Variants in GLRA2 observed in about 807,000 individuals in gnomAD.
GLRA2 encodes glycine receptor alpha 2, also known as glycine receptor subunit alpha-2.
Under a neutral mutation model 31.6 loss-of-function variants are expected in GLRA2, and 11 were observed. The observed-to-expected ratio is 0.35, with a 90% CI of 0.22 to 0.58. The LOEUF is 0.58. Ranked by LOEUF, GLRA2 falls within the 20% of genes least tolerant of loss-of-function variation. GLRA2 has a pLI of 0.84. For synonymous variants in GLRA2, 132 were observed against 134.0 expected (o/e 0.99, Z 0.10); for missense variants, 212 against 351.8 (o/e 0.60, Z 3.18).
intron 7 of GLRA2, among the ~76,000 whole-genome samples, chrX:14,611,217 C>T (rs2090393384): frequency 8.9e-6 from 1 of 112,690 alleles, no homozygotes; most frequent in Non-Finnish European, 1.9e-5. Flanking sequence ...AATTTATAAA[C>T]ACTGCAATCC....
chrX:14,457,407 A>T, the GLRA2 span, among the ~76,000 whole-genome samples: 1 of 104,067 alleles, frequency 9.6e-6, no homozygotes, highest in African/African-American at 3.6e-5. Context: ...TGTCCATGTG[A>T]TCTCATTGTT....
At chrX:14,633,724 G>C (rs1239881771) in intron 7 of GLRA2, among the ~76,000 whole-genome samples, 2 of 110,384 alleles carry the variant, frequency 1.8e-5, no homozygotes, top group African/African-American at 6.6e-5. Flanking sequence ...AATCATGATG[G>C]AAGGGGAAGC....
intron 8 of GLRA2, among the ~76,000 whole-genome samples, chrX:14,720,220 G>A (rs902281454): frequency 9.0e-6 from 1 of 111,599 alleles, no homozygotes; most frequent in Non-Finnish European, 1.9e-5. Context: ...ATTAAGTTTT[G>A]AGGTGATTTA....
At chrX:14,490,407 T>C in the GLRA2 span, among the ~76,000 whole-genome samples, 2 of 112,308 alleles carry the variant, frequency 1.8e-5, no homozygotes, top group African/African-American at 6.5e-5. Context: ...GTAATTCACT[T>C]CTAGTGAGTT....
intron 4 of GLRA2, among the ~76,000 whole-genome samples, chrX:14,584,850 G>A (rs752429900): frequency 8.1e-5 from 9 of 111,793 alleles, no homozygotes; most frequent in Non-Finnish European, 1.5e-4. Flanking sequence ...GGCCTTGGGT[G>A]GCATTTGCTC....
chrX:14,536,080 G>T (rs2089319463), intron 2 of GLRA2, among the ~76,000 whole-genome samples: 1 of 112,059 alleles, frequency 8.9e-6, no homozygotes, highest in Non-Finnish European at 1.9e-5. Context: ...CTTTGTGCCT[G>T]CCATGCACAC....
At chrX:14,451,424 A>C in the GLRA2 span, among the ~76,000 whole-genome samples, 1 of 110,366 alleles carries the variant, frequency 9.1e-6, no homozygotes, top group South Asian at 3.9e-4. Flanking sequence ...TGAGCTCAGG[A>C]GTTTGAGACC....
At position 14,670,542 on chromosome X, in the gene GLRA2, A is replaced by G. The variant is rs143243518; in HGVS notation, c.931-20168A>G. Among the ~76,000 whole-genome samples, 834 of 111,646 alleles carry G rather than the reference A, an allele frequency of 7.5e-3. 5 individuals are homozygous for G. Among genetic ancestry groups the G allele is most frequent in the African/African-American group, 0.024 (744 of 30,735 alleles). ...CACAATCATGGTGGAAGGCAAGGAGAAGCAAGTCACATCTTATGTGGACGG... is the reference window on the plus strand; with the variant it reads ...CACAATCATGGTGGAAGGCAAGGAGGAGCAAGTCACATCTTATGTGGACGG... On this transcript the variant is annotated intron_variant, in intron 7 of 8. Coordinates refer to ENST00000218075, the MANE Select transcript of GLRA2 (RefSeq NM_002063.4).
At chrX:14,657,111 G>A (rs192685393) in intron 7 of GLRA2, among the ~76,000 whole-genome samples, 60 of 112,029 alleles carry the variant, frequency 5.4e-4, no homozygotes, top group African/African-American at 1.9e-3. Flanking sequence ...GGTGGTTGTA[G>A]TAGCATTCTT....
At chrX:14,561,477 T>C (rs751067561) in intron 2 of GLRA2, among the ~76,000 whole-genome samples, 2 of 112,756 alleles carry the variant, frequency 1.8e-5, no homozygotes, top group African/African-American at 6.4e-5. Context: ...TATTTACATA[T>C]TGTCTACAGC....
chrX:14,540,288 G>C (rs1193001849), intron 2 of GLRA2, among the ~76,000 whole-genome samples: 1 of 111,387 alleles, frequency 9.0e-6, no homozygotes, highest in East Asian at 2.8e-4. Context: ...AGAAGCAAGG[G>C]AGGGAGTGAT....
chrX:14,685,761 C>A (rs1464802475), intron 7 of GLRA2, among the ~76,000 whole-genome samples: 1 of 111,443 alleles, frequency 9.0e-6, no homozygotes, highest in African/African-American at 3.3e-5. Context: ...TTCAAAAAAC[C>A]AGCTCCTGGA....
chrX:14,632,530 C>G (rs949177211), intron 7 of GLRA2, among the ~76,000 whole-genome samples: 1 of 111,480 alleles, frequency 9.0e-6, no homozygotes, highest in African/African-American at 3.3e-5. Context: ...TTGGTATGTA[C>G]AGTAATAAAT....
chrX:14,508,346 TTAAAA>T, the GLRA2 span, among the ~76,000 whole-genome samples: 1 of 112,207 alleles, frequency 8.9e-6, no homozygotes, highest in Non-Finnish European at 1.9e-5. Flanking sequence ...AAAGAAAACG[TTAAAA>T]TTTTCATTGG....
the GLRA2 span, among the ~76,000 whole-genome samples, chrX:14,459,801 A>G: frequency 8.9e-6 from 1 of 111,965 alleles, no homozygotes; most frequent in African/African-American, 3.2e-5. Flanking sequence ...TTAATATACA[A>G]TCATGTCATC....
chrX:14,499,833 C>T, the GLRA2 span, among the ~76,000 whole-genome samples: 1 of 110,745 alleles, frequency 9.0e-6, no homozygotes, highest in African/African-American at 3.3e-5. Flanking sequence ...CAAAACTACA[C>T]CAATACCCCC....
intron 7 of GLRA2, among the ~76,000 whole-genome samples, chrX:14,637,201 G>C: frequency 8.9e-6 from 1 of 112,077 alleles, no homozygotes; most frequent in African/African-American, 3.2e-5. Flanking sequence ...GTCAGGGAAG[G>C]GACTCTGATT....
intron 7 of GLRA2, among the ~76,000 whole-genome samples, chrX:14,641,608 C>G (rs1181260737): frequency 9.0e-6 from 1 of 111,525 alleles, no homozygotes; most frequent in African/African-American, 3.3e-5. Context: ...ACATGAAGCT[C>G]TTTGGGTGAT....
the GLRA2 span, among the ~76,000 whole-genome samples, chrX:14,452,259 G>GT: frequency 1.1e-4 from 12 of 112,147 alleles, no homozygotes; most frequent in East Asian, 2.8e-4. Flanking sequence ...ACAGTCAACA[G>GT]TTTTTTTTCT....
Sources: gnomAD v4.1 joint callset for allele counts (sites outside exome capture counted in the v4.1 genomes callset) on GRCh38, gnomAD v4.1.1 for gene constraint, MANE v1.5 for transcripts, NCBI Gene and HGNC (gene_info 2026-07-23, HGNC 2026-07-21) for gene names.